FSTL4: variants seen among roughly 807,000 people sequenced by gnomAD.
FSTL4 encodes the protein follistatin-related protein 4.
FSTL4 carries 28 observed loss-of-function variants against 78.2 expected under a neutral mutation model. The ratio of observed to expected loss-of-function variants is 0.36; its 90% CI spans 0.27 to 0.49. FSTL4 has a LOEUF of 0.49. FSTL4 is among the 20% of genes least tolerant of loss of function. The pLI is 0.98. For missense variants in FSTL4, 922 were observed against 1,084.9 expected (o/e 0.85, Z 2.11); for synonymous variants, 422 against 440.5 (o/e 0.96, Z 0.53).
At chr5:133,658,053 A>C in the FSTL4 span, among the ~76,000 whole-genome samples, 1 of 152,140 alleles carries the variant, frequency 6.6e-6, no homozygotes, top group East Asian at 1.9e-4. Context: ...TAAAATGATC[A>C]TGAGATTTTT....
At chr5:133,777,968 C>T in the FSTL4 span, among the ~76,000 whole-genome samples, 1 of 152,178 alleles carries the variant, frequency 6.6e-6, no homozygotes, top group African/African-American at 2.4e-5. Context: ...TAAAAGCTTC[C>T]TTATAGAGAT....
At chr5:133,809,600 C>A in the FSTL4 span, among the ~76,000 whole-genome samples, 2,454 of 146,038 alleles carry the variant, frequency 0.017, 75 homozygotes, top group African/African-American at 0.06. Flanking sequence ...CAGGATAGCA[C>A]CAAAAATGGA....
the FSTL4 span, among the ~76,000 whole-genome samples, chr5:133,818,103 G>A: frequency 4.4e-4 from 67 of 152,316 alleles, no homozygotes; most frequent in Non-Finnish European, 8.4e-4. Flanking sequence ...CTCCTTCCAC[G>A]TGGTGCAGCC....
rs1167090108 is a variant in FSTL4, at chr5:133,206,839, A to G, written c.1716+3352T>C. 2.0e-5 allele frequency among the ~76,000 whole-genome samples: 3 copies of G among 151,900 alleles called. No individual in the cohort carries two copies. The East Asian group carries it at 5.8e-4, about 29-fold the overall frequency. On this transcript the variant is annotated intron_variant, in intron 14 of 15. Transcript: ENST00000265342. ...TTCTTGCAAGTTTTGTTCTCTTTCA[A>G]TTTCTTAAATACTTCCTTTTCAGGC...
chr5:133,299,822 C>T (rs533588960), intron 6 of FSTL4, among the ~76,000 whole-genome samples: 39 of 152,124 alleles, frequency 2.6e-4, no homozygotes, highest in African/African-American at 9.2e-4. Flanking sequence ...AGGGTGAGAC[C>T]CAGGAAAAAT....
intron 3 of FSTL4, among the ~76,000 whole-genome samples, chr5:133,431,293 G>A (rs1279775772): frequency 3.9e-5 from 6 of 152,184 alleles, no homozygotes; most frequent in South Asian, 2.1e-4. Context: ...CCTCTGAGAC[G>A]TAGAGTACAA....
At chr5:133,640,669 G>A in the FSTL4 span, among the ~76,000 whole-genome samples, 6 of 152,144 alleles carry the variant, frequency 3.9e-5, no homozygotes, top group Admixed American at 2.6e-4. Flanking sequence ...ATTTGATACT[G>A]TCTGGGCCTG....
At chr5:133,800,333 G>A in the FSTL4 span, among the ~76,000 whole-genome samples, 2 of 138,206 alleles carry the variant, frequency 1.4e-5, no homozygotes, top group African/African-American at 5.3e-5. Flanking sequence ...AAGGTTTAGG[G>A]CAGGGGTATC....
chr5:133,209,319 C>T (rs1750628534), intron 14 of FSTL4, among the ~76,000 whole-genome samples: 1 of 152,150 alleles, frequency 6.6e-6, no homozygotes, highest in South Asian at 2.1e-4. Context: ...TCTTTCTGCC[C>T]TCTTGCCAGT....
At chr5:133,657,778 T>G in the FSTL4 span, among the ~76,000 whole-genome samples, 31 of 149,554 alleles carry the variant, frequency 2.1e-4, no homozygotes, top group Middle Eastern at 3.5e-3. Flanking sequence ...TTTTTTTGTT[T>G]TTTTTTTTTT....
chr5:133,650,189 T>C, the FSTL4 span, among the ~76,000 whole-genome samples: 1 of 147,458 alleles, frequency 6.8e-6, no homozygotes, highest in East Asian at 2.2e-4. Context: ...CATTAATCTA[T>C]TCATGAAGGA....
At chr5:133,556,215 C>A (rs1297502976) in intron 3 of FSTL4, among the ~76,000 whole-genome samples, 1 of 152,156 alleles carries the variant, frequency 6.6e-6, no homozygotes, top group East Asian at 1.9e-4. Flanking sequence ...CATTTTAATT[C>A]TTTGATCAAT....
chr5:133,368,130 G>C (rs1033886358), intron 4 of FSTL4, among the ~76,000 whole-genome samples: 1 of 152,244 alleles, frequency 6.6e-6, no homozygotes, highest in Non-Finnish European at 1.5e-5. Flanking sequence ...TCTTTGTTTA[G>C]CTGGGGGCTT....
the FSTL4 span, among the ~76,000 whole-genome samples, chr5:133,745,942 G>C: frequency 6.6e-6 from 1 of 152,176 alleles, no homozygotes; most frequent in Non-Finnish European, 1.5e-5. Flanking sequence ...ATATTGAAGG[G>C]ACAGTTAATG....
At chr5:133,395,037 G>C (rs1755972895) in intron 4 of FSTL4, among the ~76,000 whole-genome samples, 1 of 152,224 alleles carries the variant, frequency 6.6e-6, no homozygotes, top group African/African-American at 2.4e-5. Context: ...ACACCAATCA[G>C]CACCCTGTCA....
At chr5:133,235,874 G>A (rs753013323) in intron 7 of FSTL4, among the ~76,000 whole-genome samples, 1 of 152,130 alleles carries the variant, frequency 6.6e-6, no homozygotes, top group African/African-American at 2.4e-5. Context: ...TTCTGGGACC[G>A]ACATATTTCT....
chr5:133,331,953 G>C (rs1032163743), intron 4 of FSTL4, among the ~76,000 whole-genome samples: 1 of 152,320 alleles, frequency 6.6e-6, no homozygotes, highest in African/African-American at 2.4e-5. Context: ...CCTCATTTCT[G>C]TGAAAGTCGG....
the FSTL4 span, among the ~76,000 whole-genome samples, chr5:133,783,544 C>T: frequency 3.3e-5 from 5 of 152,182 alleles, no homozygotes; most frequent in Admixed American, 1.3e-4. Context: ...TAGTGGAAAA[C>T]GGTGGAATCT....
the FSTL4 span, among the ~76,000 whole-genome samples, chr5:133,754,786 G>A: frequency 2.6e-5 from 4 of 152,168 alleles, no homozygotes; most frequent in Non-Finnish European, 5.9e-5. Flanking sequence ...GACGTGTGAA[G>A]ACAACATGTT....
Sources: allele counts gnomAD v4.1 joint callset (sites outside exome capture counted in the v4.1 genomes callset), GRCh38; gene constraint gnomAD v4.1.1; transcripts MANE v1.5; gene names NCBI Gene and HGNC (gene_info 2026-07-23, HGNC 2026-07-21).